Variants in GPR89B observed in about 807,000 individuals in gnomAD.
GPR89B encodes the protein golgi pH regulator B.
Under a neutral mutation model 52.4 loss-of-function variants are expected in GPR89B, and 25 were observed. That is an observed-to-expected ratio of 0.48 (90% confidence interval 0.35 to 0.67). The LOEUF (loss-of-function observed/expected upper bound fraction) is 0.67, where lower values mean the gene tolerates loss of function less well. Among genes scored for constraint, GPR89B ranks in the 30% least tolerant of loss-of-function variants. The probability of loss-of-function intolerance (pLI) is 0.01; values close to 1 mark genes in which losing one functional copy is unlikely to be tolerated. For missense variants in GPR89B, 146 were observed against 450.2 expected (o/e 0.32, Z 6.11); for synonymous variants, 52 against 151.2 (o/e 0.34, Z 4.81).
At chr1:148,018,904 G>T in the GPR89B span, among the ~76,000 whole-genome samples, 1 of 150,590 alleles carries the variant, frequency 6.6e-6, no homozygotes, top group Non-Finnish European at 1.5e-5. Flanking sequence ...GACCTCAGGT[G>T]ATCCGCCCGC....
chr1:148,017,792 A>G, the GPR89B span, among the ~76,000 whole-genome samples: 6 of 150,654 alleles, frequency 4.0e-5, 1 homozygote, highest in South Asian at 1.3e-3. Context: ...AACACCCCTC[A>G]CCCCCAAAGA....
chr1:147,999,822 A>G, the GPR89B span, among the ~76,000 whole-genome samples: 56 of 151,948 alleles, frequency 3.7e-4, no homozygotes, highest in African/African-American at 1.3e-3. Context: ...GCATTATTCT[A>G]CATGCTCTGA....
chr1:148,013,613 C>T, the GPR89B span, among the ~76,000 whole-genome samples: 1 of 151,954 alleles, frequency 6.6e-6, no homozygotes, highest in Non-Finnish European at 1.5e-5. Context: ...GCGGGAGATG[C>T]CCATGTGGCC....
chr1:147,950,805 C>T (rs1279141463), intron 5 of GPR89B, among the ~76,000 whole-genome samples: 7 of 152,088 alleles, frequency 4.6e-5, no homozygotes, highest in African/African-American at 7.2e-5. Flanking sequence ...TGGTGGCGCA[C>T]GCCTGCAATC....
the GPR89B span, among the ~76,000 whole-genome samples, chr1:148,021,533 A>C: frequency 6.6e-6 from 1 of 151,452 alleles, no homozygotes; most frequent in Non-Finnish European, 1.5e-5. Context: ...GGCGGACACA[A>C]GCAGTGGTGG....
chr1:148,009,100 A>C, the GPR89B span, among the ~76,000 whole-genome samples: 3 of 152,216 alleles, frequency 2.0e-5, no homozygotes, highest in Non-Finnish European at 2.9e-5. Flanking sequence ...ACTCAGGGAC[A>C]GGAGTACCCA....
intron 10 of GPR89B, among the ~76,000 whole-genome samples, chr1:147,973,056 A>C (rs1657587932): frequency 1.3e-5 from 2 of 151,548 alleles, no homozygotes; most frequent in Admixed American, 6.6e-5. Context: ...TATCCGGTCT[A>C]TCATTGATGG....
chr1:147,950,066 G>A (rs1320446730), intron 5 of GPR89B, among the ~76,000 whole-genome samples: 19 of 146,066 alleles, frequency 1.3e-4, no homozygotes, highest in African/African-American at 2.9e-4. Context: ...CTGGCCGTGC[G>A]GGGGGCTGAT....
chr1:147,954,591 G>A (rs1322231093), intron 7 of GPR89B, among the ~76,000 whole-genome samples, 189 bp downstream of exon 7: 1 of 151,576 alleles, frequency 6.6e-6, no homozygotes, highest in East Asian at 1.9e-4. Context: ...GCCACGACGG[G>A]GGGATCATTT....
chr1:147,945,552 T>A (rs1186340592), intron 5 of GPR89B, among the ~76,000 whole-genome samples: 1 of 152,212 alleles, frequency 6.6e-6, no homozygotes, highest in Non-Finnish European at 1.5e-5. Flanking sequence ...TGTGTATTTT[T>A]AAAATAAGAA....
chr1:147,958,172 A>G (rs1239148261), intron 7 of GPR89B, among the ~76,000 whole-genome samples: 1 of 152,110 alleles, frequency 6.6e-6, no homozygotes, highest in Non-Finnish European at 1.5e-5. Flanking sequence ...TAGGCTATTG[A>G]AGGTAGACAC....
rs1221449496 is a variant in GPR89B, at chr1:147,993,299, G to C, written c.*382G>C. 2.8e-6 allele frequency: 1 copy of C among 358,138 alleles called. No individual in the cohort carries two copies. Among genetic ancestry groups the C allele is most frequent in the Admixed American group, 4.3e-5 (1 of 23,210 alleles). The allele number at this position is 358,138 out of a possible 1,614,324, so 22.2% of individuals were successfully genotyped here. ...TAAGGTTCACATGGAAAAGGTTATA[G>C]CTTTGCCTTGAGATTGACTCATTAA... is the stretch of plus-strand genomic sequence containing the variant. On this transcript the variant is annotated 3_prime_UTR_variant, in exon 14 of 14. Coordinates refer to ENST00000314163, the MANE Select transcript of GPR89B (RefSeq NM_016334.5).
chr1:148,003,205 A>T, the GPR89B span, among the ~76,000 whole-genome samples: 1 of 152,176 alleles, frequency 6.6e-6, no homozygotes, highest in African/African-American at 2.4e-5. Context: ...ATAACAACTT[A>T]TGGGCGAATA....
chr1:147,971,488 T>TTG (rs1309112125), intron 10 of GPR89B, among the ~76,000 whole-genome samples: 37 of 141,428 alleles, frequency 2.6e-4, no homozygotes, highest in African/African-American at 9.3e-4. Flanking sequence ...TTTTTTTTTT[T>TTG]TGTGAAGACG....
chr1:148,018,186 A>C, the GPR89B span, among the ~76,000 whole-genome samples: 4 of 143,484 alleles, frequency 2.8e-5, no homozygotes, highest in Non-Finnish European at 4.5e-5. Flanking sequence ...TGGGAGGCCG[A>C]GGCGGGCGGA....
the GPR89B span, among the ~76,000 whole-genome samples, chr1:148,005,851 G>T: frequency 1.3e-5 from 2 of 151,926 alleles, no homozygotes; most frequent in South Asian, 4.2e-4. Context: ...CTGTTCGTAA[G>T]TTCCCCTGAT....
chr1:148,014,466 A>G, the GPR89B span: 8 of 151,124 alleles, frequency 5.3e-5, no homozygotes, highest in South Asian at 1.2e-3. Flanking sequence ...ACCACCGCGG[A>G]CGAGGGCCCC....
chr1:147,930,642 A>G (rs1175263769), intron 1 of GPR89B, among the ~76,000 whole-genome samples: 1 of 152,038 alleles, frequency 6.6e-6, no homozygotes, highest in Non-Finnish European at 1.5e-5. Flanking sequence ...TCTGTTTTGT[A>G]TTAACTGAAA....
In GPR89B at chr1:147,957,715, C is replaced by G. The variant is rs1458732504; in HGVS notation, c.617+3313C>G. Reference sequence around the variant, plus strand: ...ACATTTCATATTTCCTTCTTCAACACTTTTCTATAGTAAGACCCATAGTCA... The same window carrying G: ...ACATTTCATATTTCCTTCTTCAACAGTTTTCTATAGTAAGACCCATAGTCA... On this transcript the variant is annotated intron_variant, in intron 7 of 13. Coordinates refer to ENST00000314163, the MANE Select transcript of GPR89B (RefSeq NM_016334.5). 1.8e-3 allele frequency among the ~76,000 whole-genome samples: 277 copies of G among 151,862 alleles called. 3 individuals carry two copies. The highest frequency in any genetic ancestry group is 6.5e-3 in the African/African-American group (266 of 41,190).
Sources: allele counts gnomAD v4.1 joint callset (sites outside exome capture counted in the v4.1 genomes callset), GRCh38; gene constraint gnomAD v4.1.1; transcripts MANE v1.5; gene names NCBI Gene and HGNC (gene_info 2026-07-23, HGNC 2026-07-21).